Variants in DENND1A observed in about 807,000 individuals in gnomAD.
The protein encoded by DENND1A is DENN domain containing 1A, also known as DENN domain-containing protein 1A.
DENND1A carries 51 observed loss-of-function variants against 113.7 expected under a neutral mutation model. The observed-to-expected ratio is 0.45, with a 90% CI of 0.36 to 0.57. The LOEUF is 0.57. Among genes scored for constraint, DENND1A ranks in the 20% least tolerant of loss-of-function variants. The pLI, the probability that DENND1A is intolerant of heterozygous loss-of-function variation, is 0.00. For missense variants in DENND1A, 1,258 were observed against 1,395.9 expected (o/e 0.90, Z 1.57); for synonymous variants, 565 against 570.8 (o/e 0.99, Z 0.14).
chr9:123,811,320 T>C (rs913869262), intron 2 of DENND1A, among the ~76,000 whole-genome samples: 4 of 152,248 alleles, frequency 2.6e-5, no homozygotes, highest in African/African-American at 9.6e-5. Context: ...ATCTGGAGAC[T>C]GAAGGATCTG....
At chr9:123,529,039 T>C (rs2055076837) in intron 13 of DENND1A, among the ~76,000 whole-genome samples, 1 of 152,226 alleles carries the variant, frequency 6.6e-6, no homozygotes, top group African/African-American at 2.4e-5. Context: ...CATTATAGTC[T>C]TCATCATATT....
chr9:123,655,125 C>G (rs1274194066), intron 8 of DENND1A, among the ~76,000 whole-genome samples: 1 of 152,210 alleles, frequency 6.6e-6, no homozygotes, highest in East Asian at 1.9e-4. Flanking sequence ...CTTTTCAAGG[C>G]CCAGCTCCAA....
intron 1 of DENND1A, among the ~76,000 whole-genome samples, chr9:123,906,067 T>A (rs1852760749): frequency 6.6e-6 from 1 of 151,752 alleles, no homozygotes; most frequent in African/African-American, 2.4e-5. Flanking sequence ...TCAAAACCGC[T>A]CAACTACATG....
chr9:123,687,043 A>T (rs1385022619), intron 5 of DENND1A, among the ~76,000 whole-genome samples: 1 of 152,166 alleles, frequency 6.6e-6, no homozygotes, highest in Non-Finnish European at 1.5e-5. Context: ...CATATGCTTA[A>T]CTTCTTTCAG....
At chr9:123,698,286 A>G (rs1300217755) in intron 5 of DENND1A, among the ~76,000 whole-genome samples, 1 of 152,212 alleles carries the variant, frequency 6.6e-6, no homozygotes, top group Non-Finnish European at 1.5e-5. Flanking sequence ...AGAAAACCGG[A>G]GCTCAAAAAG....
At chr9:123,504,613 T>C (rs1325956127) in intron 13 of DENND1A, among the ~76,000 whole-genome samples, 5 of 152,368 alleles carry the variant, frequency 3.3e-5, no homozygotes, top group Admixed American at 2.6e-4. Context: ...CTTTCTGCTC[T>C]ACTGAATACA....
At chr9:123,426,071 A>G (rs907519301) in intron 19 of DENND1A, among the ~76,000 whole-genome samples, 1 of 152,148 alleles carries the variant, frequency 6.6e-6, no homozygotes, top group African/African-American at 2.4e-5. Context: ...GGAGTGGAGG[A>G]TGGCAGGGAG....
intron 13 of DENND1A, among the ~76,000 whole-genome samples, chr9:123,547,979 T>C (rs114898091): frequency 0.027 from 4,093 of 152,326 alleles, 133 homozygotes; most frequent in African/African-American, 0.079. Flanking sequence ...AGAGTCCTGC[T>C]AGCTAGGCAT....
intron 6 of DENND1A, among the ~76,000 whole-genome samples, chr9:123,675,118 T>G (rs2063994087): frequency 6.6e-6 from 1 of 152,148 alleles, no homozygotes; most frequent in Non-Finnish European, 1.5e-5. Context: ...GTGAGTGTAG[T>G]GATCAAGGAA....
At chr9:123,851,277 G>A (rs1317242432) in intron 2 of DENND1A, among the ~76,000 whole-genome samples, 1 of 152,204 alleles carries the variant, frequency 6.6e-6, no homozygotes, top group Non-Finnish European at 1.5e-5. Flanking sequence ...AATGGAATCA[G>A]AAAGTATGTA....
chr9:123,705,802 A>G (rs943683607), intron 5 of DENND1A, among the ~76,000 whole-genome samples: 2 of 152,326 alleles, frequency 1.3e-5, no homozygotes, highest in East Asian at 3.9e-4. Context: ...TGATAATATT[A>G]CTGAATCTAA....
At chr9:123,682,838 G>C (rs915308117) in intron 5 of DENND1A, among the ~76,000 whole-genome samples, 1 of 152,156 alleles carries the variant, frequency 6.6e-6, no homozygotes, top group African/African-American at 2.4e-5. Context: ...TCAGCTTTGG[G>C]AATCTCTCTT....
At chr9:123,879,147 T>C in intron 1 of DENND1A, 126 bp from the exon 2 acceptor site, 1 of 833,894 alleles carries the variant, frequency 1.2e-6, no homozygotes, top group African/African-American at 1.7e-5. Context: ...CCGTGGAACT[T>C]TGGACAAGCT....
chr9:123,473,990 T>C (rs57114167), intron 13 of DENND1A, among the ~76,000 whole-genome samples: 518 of 28,100 alleles, frequency 0.018, 9 homozygotes, highest in African/African-American at 0.038. Flanking sequence ...TTCTTTCTTT[T>C]TTTTTTTTTT....
intron 19 of DENND1A, among the ~76,000 whole-genome samples, chr9:123,418,569 G>A (rs958272050): frequency 2.6e-5 from 4 of 152,222 alleles, no homozygotes; most frequent in Admixed American, 6.5e-5. Flanking sequence ...AACGCTCGAC[G>A]GCCAGGTGGT....
rs182147403 is a variant in DENND1A at position 123,453,577 on chromosome 9, G to A, written c.1227+1162C>T. Among the ~76,000 whole-genome samples the A allele has an allele frequency of 8.5e-5, 13 of 152,234 alleles. No individual in the cohort carries two copies. The East Asian group carries it at 1.2e-3, about 14-fold the overall frequency. ...GGCTAAGGGGTCTACACTACAGAGC[G>A]TTTTTAATCAAATTCATCACAGAAT... On this transcript the variant is annotated intron_variant, in intron 16 of 23. Coordinates refer to ENST00000394215, the MANE Select transcript of DENND1A (RefSeq NM_001352964.2).
intron 2 of DENND1A, among the ~76,000 whole-genome samples, chr9:123,861,917 T>A (rs1161561671): frequency 2.6e-5 from 4 of 152,140 alleles, no homozygotes; most frequent in Non-Finnish European, 5.9e-5. Context: ...ACACTTTTTT[T>A]AAATGCACAA....
chr9:123,705,985 G>A (rs954316719), intron 5 of DENND1A, among the ~76,000 whole-genome samples: 1 of 152,094 alleles, frequency 6.6e-6, no homozygotes, highest in South Asian at 2.1e-4. Flanking sequence ...TTGTGTTCTG[G>A]GATCAGATGA....
At chr9:123,620,191 G>A (rs2060872009) in intron 10 of DENND1A, among the ~76,000 whole-genome samples, 1 of 118,422 alleles carries the variant, frequency 8.4e-6, no homozygotes, top group Admixed American at 9.7e-5. Context: ...TCCAGCCTGG[G>A]TGAGAGAGTA....
Sources: allele counts gnomAD v4.1 joint callset (sites outside exome capture counted in the v4.1 genomes callset), GRCh38; gene constraint gnomAD v4.1.1; transcripts MANE v1.5; gene names NCBI Gene and HGNC (gene_info 2026-07-23, HGNC 2026-07-21).